The following FNDC3B variants were observed in gnomAD, a reference collection of about 807,000 sequenced individuals.
FNDC3B encodes the protein fibronectin type III domain containing 3B.
A neutral mutation model predicts 151.5 loss-of-function variants in FNDC3B; 12 were observed. The ratio of observed to expected loss-of-function variants is 0.08; its 90% CI spans 0.05 to 0.13. The LOEUF is 0.13. Among genes scored for constraint, FNDC3B ranks in the 10% least tolerant of loss-of-function variants. The probability of loss-of-function intolerance (pLI) is 1.00; values close to 1 mark genes in which losing one functional copy is unlikely to be tolerated. For missense variants in FNDC3B, 1,214 were observed against 1,505.3 expected, an observed-to-expected ratio of 0.81 and a Z score of 3.20; for synonymous variants, 528 against 549.0, an observed-to-expected ratio of 0.96 and a Z score of 0.54.
intron 6 of FNDC3B, among the ~76,000 whole-genome samples, chr3:172,285,022 C>T (rs941416105): frequency 6.6e-6 from 1 of 151,806 alleles, no homozygotes; most frequent in Non-Finnish European, 1.5e-5. Context: ...ACATCCTTCC[C>T]CCCTCGTACT....
intron 1 of FNDC3B, among the ~76,000 whole-genome samples, chr3:172,103,945 T>C (rs570939105): frequency 1.1e-4 from 16 of 152,310 alleles, no homozygotes; most frequent in Non-Finnish European, 4.4e-5. Context: ...CACCACTCCT[T>C]CTTTCCTTCA....
chr3:172,168,734 T>TTTTGG (rs1723133667), intron 3 of FNDC3B, among the ~76,000 whole-genome samples: 1 of 150,166 alleles, frequency 6.7e-6, no homozygotes, highest in African/African-American at 2.5e-5. Flanking sequence ...TTTTTTTTTT[T>TTTTGG]GAGATGGAGT....
At chr3:172,331,947 T>G (rs1221793080) in intron 13 of FNDC3B, among the ~76,000 whole-genome samples, 2 of 152,160 alleles carry the variant, frequency 1.3e-5, no homozygotes, top group Non-Finnish European at 2.9e-5. Context: ...CATATGCATG[T>G]TGGCCTATAG....
rs1006420787 is a variant in FNDC3B at position 172,399,784 on chromosome 3, T to A, written c.*2309T>A. 5 of 152,636 alleles carry A rather than the reference T, an allele frequency of 3.3e-5. No homozygotes were observed. The highest frequency in any genetic ancestry group is 4.8e-5 in the African/African-American group (2 of 41,456). 9.5% of individuals were successfully genotyped at this position (152,636 alleles called of 1,614,324 possible). A position where few individuals can be genotyped will look rare whatever the true frequency, so the allele number is the denominator to read the frequency against. On this transcript the variant is annotated 3_prime_UTR_variant, in exon 26 of 26. Coordinates refer to ENST00000415807, the MANE Select transcript of FNDC3B (RefSeq NM_022763.4). ...CTCTTGGGGGGTTGGGGAAGTCTCT[T>A]TTTTGAAACACTTCAGAACTGCTGC...
At chr3:172,164,277 A>G (rs982290735) in intron 3 of FNDC3B, among the ~76,000 whole-genome samples, 1 of 152,254 alleles carries the variant, frequency 6.6e-6, no homozygotes, top group Admixed American at 6.5e-5. Context: ...CCAACTTGAT[A>G]TGCTACAAGC....
chr3:172,234,170 G>A (rs1230699639), intron 4 of FNDC3B, among the ~76,000 whole-genome samples: 1 of 152,166 alleles, frequency 6.6e-6, no homozygotes, highest in African/African-American at 2.4e-5. Context: ...TGGGATTAGT[G>A]GGAGGAAACG....
intron 2 of FNDC3B, among the ~76,000 whole-genome samples, chr3:172,124,985 C>T (rs973057315): frequency 2.0e-5 from 3 of 152,196 alleles, no homozygotes; most frequent in African/African-American, 7.2e-5. Context: ...AATCACAGAG[C>T]TGGAATTTGA....
In FNDC3B at chr3:172,150,825, C is replaced by T. The variant is rs116136729; in HGVS notation, c.187+17279C>T. On this transcript the variant is annotated intron_variant, in intron 3 of 25. Transcript: ENST00000415807. ...ATGCAATGTGAAATAAGCACATCAT[C>T]GAGAATGGGGTGTCCATCCGCTCAA... Among the ~76,000 whole-genome samples the T allele has an allele frequency of 3.1e-3, 476 of 152,158 alleles. 2 individuals are homozygous for T. The highest frequency in any genetic ancestry group is 5.4e-3 in the Non-Finnish European group (367 of 67,996).
At chr3:172,165,714 C>A (rs1428511691) in intron 3 of FNDC3B, among the ~76,000 whole-genome samples, 1 of 152,098 alleles carries the variant, frequency 6.6e-6, no homozygotes, top group Non-Finnish European at 1.5e-5. Flanking sequence ...CAAGTAAGAT[C>A]CCATTATATA....
chr3:172,151,817 T>C (rs1722238450), intron 3 of FNDC3B, among the ~76,000 whole-genome samples: 1 of 152,248 alleles, frequency 6.6e-6, no homozygotes, highest in South Asian at 2.1e-4. Context: ...TGTGGATTTG[T>C]TACAGCATTG....
intron 3 of FNDC3B, among the ~76,000 whole-genome samples, chr3:172,146,233 G>A (rs1014801328): frequency 7.2e-5 from 11 of 152,130 alleles, no homozygotes; most frequent in East Asian, 3.8e-4. Context: ...TAATAGTCAC[G>A]ACAGTTCTTA....
chr3:172,298,175 C>G (rs555207878), intron 8 of FNDC3B, among the ~76,000 whole-genome samples: 2 of 152,144 alleles, frequency 1.3e-5, no homozygotes, highest in African/African-American at 4.8e-5. Context: ...ATAGAACATT[C>G]CTTATTTTGG....
At chr3:172,043,543 G>T (rs949747339) in intron 1 of FNDC3B, among the ~76,000 whole-genome samples, 1 of 152,024 alleles carries the variant, frequency 6.6e-6, no homozygotes, top group Admixed American at 6.6e-5. Flanking sequence ...TTTTTGTAGA[G>T]ACAGGTCTCA....
At chr3:172,159,645 G>GT (rs1375034093) in intron 3 of FNDC3B, among the ~76,000 whole-genome samples, 1 of 152,154 alleles carries the variant, frequency 6.6e-6, no homozygotes, top group Non-Finnish European at 1.5e-5. Flanking sequence ...TAAGTCTAAA[G>GT]TTCTGTACAG....
rs543548104 is a variant in FNDC3B at position 172,129,220 on chromosome 3, G to A, written c.112-4251G>A. On this transcript the variant is annotated intron_variant, in intron 2 of 25. Transcript: ENST00000415807. ...CTCCTGGTCTCAAGTGATTCTCCCC[G>A]TCTCAGCCTCCCAAAGCACTGGAAT... Among the ~76,000 whole-genome samples, 12 of 152,212 alleles carry A rather than the reference G, an allele frequency of 7.9e-5. No homozygotes were observed. In the East Asian group the frequency reaches 2.1e-3, roughly 27 times the overall value.
chr3:172,041,679 T>C (rs1043655238), intron 1 of FNDC3B, among the ~76,000 whole-genome samples: 1 of 152,186 alleles, frequency 6.6e-6, no homozygotes, highest in Non-Finnish European at 1.5e-5. Context: ...TGATTTCTGC[T>C]GCCGGAGTTG....
intron 25 of FNDC3B, among the ~76,000 whole-genome samples, chr3:172,389,965 T>C (rs553228619): frequency 6.6e-6 from 1 of 152,364 alleles, no homozygotes; most frequent in South Asian, 2.1e-4. Context: ...AACTGTCTCT[T>C]GCCCCTGTGG....
intron 14 of FNDC3B, among the ~76,000 whole-genome samples, chr3:172,333,488 A>ATTTTTTT (rs748224819): frequency 8.8e-5 from 9 of 102,830 alleles, no homozygotes; most frequent in East Asian, 2.6e-4. Flanking sequence ...TGCCCGGCTA[A>ATTTTTTT]TTTTTTTTTT....
chr3:172,159,267 G>A lies in FNDC3B; in HGVS notation c.187+25721G>A, dbSNP rs548702828. Among the ~76,000 whole-genome samples, 10 of 152,278 alleles carry A rather than the reference G, an allele frequency of 6.6e-5. No individual in the cohort carries two copies. The East Asian group carries it at 1.7e-3, about 26-fold the overall frequency. On this transcript the variant is annotated intron_variant, in intron 3 of 25. Coordinates refer to ENST00000415807, the MANE Select transcript of FNDC3B (RefSeq NM_022763.4). Reference sequence around the variant, plus strand: ...GCACTCCAGCCTGGGCAACAAGATCGAAACCCTGTCTCAAAAAAGAAAATT... The same window carrying A: ...GCACTCCAGCCTGGGCAACAAGATCAAAACCCTGTCTCAAAAAAGAAAATT...
Sources: allele counts gnomAD v4.1 joint callset (sites outside exome capture counted in the v4.1 genomes callset), GRCh38; gene constraint gnomAD v4.1.1; transcripts MANE v1.5; gene names NCBI Gene and HGNC (gene_info 2026-07-23, HGNC 2026-07-21).